Variants in PCDHGA9 observed in about 807,000 individuals in gnomAD.
PCDHGA9 encodes the protein protocadherin gamma-A9.
Under a neutral mutation model 62.5 loss-of-function variants are expected in PCDHGA9, and 37 were observed. The observed-to-expected ratio is 0.59, with a 90% CI of 0.46 to 0.78. The LOEUF is 0.78. PCDHGA9 is among the 30% of genes least tolerant of loss of function. PCDHGA9 has a pLI of 0.00. For synonymous variants in PCDHGA9, 459 were observed against 484.6 expected (o/e 0.95, Z 0.69); for missense variants, 1,138 against 1,166.2 (o/e 0.98, Z 0.35).
At chr5:141,422,729 C>G (rs1352451042) in intron 1 of PCDHGA9, 1 of 1,606,960 alleles carries the variant, frequency 6.2e-7, no homozygotes, top group South Asian at 1.1e-5. Flanking sequence ...CAGGGGGTGC[C>G]TCTGTCCTCC....
chr5:141,487,689 A>G lies in PCDHGA9; in HGVS notation c.2425-7118A>G. 6.2e-7 allele frequency: 1 copy of G among 1,605,144 alleles called. No homozygotes were observed. The highest frequency in any genetic ancestry group is 1.7e-4 in the Middle Eastern group (1 of 6,050). ...GGCATATGGCTAGGCCATGTCCTAG[A>G]GAGTACTGGCCTCTCAGTAAGTGCC... On this transcript the variant is annotated intron_variant, in intron 1 of 3. Coordinates refer to ENST00000573521, the MANE Select transcript of PCDHGA9 (RefSeq NM_018921.3). This position sits in a 1 kb window ranked among gnomAD's most constrained non-coding sequence, Gnocchi z 5.0.
intron 1 of PCDHGA9, among the ~76,000 whole-genome samples, chr5:141,454,918 C>T (rs1474616925): frequency 6.7e-6 from 1 of 149,344 alleles, no homozygotes; most frequent in Non-Finnish European, 1.5e-5. Context: ...CGCCATTCTC[C>T]TGCCTCAGCC....
intron 1 of PCDHGA9, chr5:141,428,225 A>G (rs775012950): frequency 4.3e-6 from 5 of 1,156,574 alleles, no homozygotes; most frequent in Non-Finnish European, 6.3e-6. Flanking sequence ...GTCTTCGCAG[A>G]CAGCCTGCAG....
At chr5:141,471,073 G>A (rs2099249169) in intron 1 of PCDHGA9, among the ~76,000 whole-genome samples, 2 of 143,298 alleles carry the variant, frequency 1.4e-5, no homozygotes, top group Non-Finnish European at 3.0e-5. Flanking sequence ...TTTTGAGACA[G>A]GGTCTCCCTC....
intron 1 of PCDHGA9, chr5:141,411,384 A>G (rs1280664726): frequency 6.6e-6 from 1 of 152,092 alleles, no homozygotes; most frequent in Non-Finnish European, 1.5e-5. Context: ...AGCCTGGGCA[A>G]TATAGGGAGA....
In PCDHGA9 at chr5:141,493,364, TTGGAAC is replaced by T. The variant is rs1405602213; in HGVS notation, c.2425-1441_2425-1436del. Among the ~76,000 whole-genome samples, 1 of 152,184 alleles carries T rather than the reference TTGGAAC, an allele frequency of 6.6e-6. No homozygotes were observed. Among genetic ancestry groups the T allele is most frequent in the South Asian group, 2.1e-4 (1 of 4,824 alleles). On this transcript the variant is annotated intron_variant, in intron 1 of 3. Coordinates refer to ENST00000573521, the MANE Select transcript of PCDHGA9 (RefSeq NM_018921.3). The surrounding 1 kb of genome is among the most constrained non-coding windows in gnomAD (Gnocchi z 4.3). Reference sequence around the variant, plus strand: ...ATGTGTGCTTTTAATTTCTTGGCACTTGGAACTTTAAAAGCTTGAGGACAGGAGAGG... The same window carrying T: ...ATGTGTGCTTTTAATTTCTTGGCACTTTTAAAAGCTTGAGGACAGGAGAGG...
chr5:141,432,367 C>A lies in PCDHGA9; in HGVS notation c.2424+26991C>A, dbSNP rs2097491556. 6.2e-7 allele frequency: 1 copy of A among 1,614,246 alleles called. No individual in the cohort carries two copies. The highest frequency in any genetic ancestry group is 8.5e-7 in the Non-Finnish European group (1 of 1,180,040). The stretch of plus-strand genomic sequence containing the variant: ...TGCAAGTGAAAGTGATGGCGCGGGA[C>A]AACGGGCACCCGCCCCTCAGCAGCA... On this transcript the variant is annotated intron_variant, in intron 1 of 3. Transcript: ENST00000573521. This position sits in a 1 kb window ranked among gnomAD's most constrained non-coding sequence, Gnocchi z 6.0.
At chr5:141,423,975 A>G in intron 1 of PCDHGA9, 2 of 1,126,024 alleles carry the variant, frequency 1.8e-6, no homozygotes, top group Non-Finnish European at 2.2e-6. Flanking sequence ...TTATCAGTGT[A>G]TGAGGCTCTC....
Position 141,402,912 on chromosome 5 carries a change from G to T in PCDHGA9, c.-41G>T, listed in dbSNP as rs373067478. 319 of 1,553,994 alleles carry T rather than the reference G, an allele frequency of 2.1e-4. No homozygotes were observed. The highest frequency in any genetic ancestry group is 2.5e-4 in the East Asian group (11 of 43,908). ...AAGAAAGAACCTGATGAAGCAGCGC[G>T]CACAGAGATCCTTTTGAGAAAATTC... On this transcript the variant is annotated 5_prime_UTR_variant, in exon 1 of 4. Transcript: ENST00000573521.
intron 1 of PCDHGA9, among the ~76,000 whole-genome samples, chr5:141,434,881 A>C (rs1221252749): frequency 6.6e-6 from 1 of 151,958 alleles, no homozygotes; most frequent in Non-Finnish European, 1.5e-5. Context: ...AGATACCAAC[A>C]ACAATCCAGT....
chr5:141,505,803 C>A (rs920849273), intron 3 of PCDHGA9, among the ~76,000 whole-genome samples: 2 of 152,234 alleles, frequency 1.3e-5, no homozygotes, highest in African/African-American at 4.8e-5. Flanking sequence ...GGACTTGGAT[C>A]GACTTGCTCA....
At chr5:141,423,750 T>TGG (rs144521096) in intron 1 of PCDHGA9, 9,462 of 287,056 alleles carry the variant, frequency 0.033, 140 homozygotes, top group African/African-American at 0.097. Flanking sequence ...GAAAACTGTT[T>TGG]GGGGGGGGGG....
Position 141,489,592 on chromosome 5 carries a change from C to T in PCDHGA9, c.2425-5215C>T, listed in dbSNP as rs747085985. 1.3e-5 allele frequency: 21 copies of T among 1,613,928 alleles called. No individual in the cohort carries two copies. The East Asian group carries it at 1.6e-4, about 12-fold the overall frequency. ...GACTGAACACCCCCTGGAGCTAATC[C>T]GTGTAGAGGTAGAGATCCTGGATCT... is the stretch of plus-strand genomic sequence containing the variant. On this transcript the variant is annotated intron_variant, in intron 1 of 3. Transcript: ENST00000573521. This position sits in a 1 kb window ranked among gnomAD's most constrained non-coding sequence, Gnocchi z 4.5.
rs777115265 is a variant in PCDHGA9, at chr5:141,485,247, G to C, written c.2425-9560G>C. ...CTTTTGTTCCTCTTTTACCACCTGG[G>C]TTACGTTTGTGGGCAGATCCGCTAC... On this transcript the variant is annotated intron_variant, in intron 1 of 3. Coordinates refer to ENST00000573521, the MANE Select transcript of PCDHGA9 (RefSeq NM_018921.3). This position sits in a 1 kb window ranked among gnomAD's most constrained non-coding sequence, Gnocchi z 5.7. 8.7e-6 allele frequency: 14 copies of C among 1,614,156 alleles called. No homozygotes were observed. In the African/African-American group the frequency reaches 1.6e-4, roughly 18 times the overall value.
intron 1 of PCDHGA9, chr5:141,478,843 C>G: frequency 7.2e-7 from 1 of 1,398,442 alleles, no homozygotes; most frequent in South Asian, 1.5e-5. Flanking sequence ...GATGGTTAAG[C>G]TAAAACACAA....
chr5:141,494,676 C>G, intron 1 of PCDHGA9, 131 bp from the exon 2 acceptor site: 1 of 1,550,918 alleles, frequency 6.4e-7, no homozygotes, highest in African/African-American at 1.4e-5. Context: ...GAGTCCACCC[C>G]TGCCCCCTCT....
At chr5:141,420,254 G>C (rs186977117) in intron 1 of PCDHGA9, 3 of 1,569,172 alleles carry the variant, frequency 1.9e-6, no homozygotes, top group Admixed American at 3.8e-5. Context: ...CGTTGAAGCA[G>C]ATAAGAAGAT....
intron 1 of PCDHGA9, among the ~76,000 whole-genome samples, chr5:141,439,459 A>C (rs558086952): frequency 6.6e-6 from 1 of 152,222 alleles, no homozygotes. Flanking sequence ...GCAAGACTGC[A>C]CTGCTGCCTT....
In PCDHGA9 at chr5:141,490,670, C is replaced by A. The variant is rs1003577285; in HGVS notation, c.2425-4137C>A. ...CCGGGCTCCCTTCTTTGCACTGTGG[C>A]TGCCTCAGATCCAGACACTGGGGAT... On this transcript the variant is annotated intron_variant, in intron 1 of 3. Coordinates refer to ENST00000573521, the MANE Select transcript of PCDHGA9 (RefSeq NM_018921.3). This position sits in a 1 kb window ranked among gnomAD's most constrained non-coding sequence, Gnocchi z 5.4. 4 of 1,614,194 alleles carry A rather than the reference C, an allele frequency of 2.5e-6. No homozygotes were observed. The highest frequency in any genetic ancestry group is 3.4e-6 in the Non-Finnish European group (4 of 1,179,986).
Sources: allele counts gnomAD v4.1 joint callset (sites outside exome capture counted in the v4.1 genomes callset), GRCh38; gene constraint gnomAD v4.1.1; non-coding constraint Gnocchi (gnomAD v3.1); transcripts MANE v1.5; gene names NCBI Gene and HGNC (gene_info 2026-07-23, HGNC 2026-07-21).